The following PDE11A variants were observed in gnomAD, a reference collection of about 807,000 sequenced individuals.
PDE11A encodes the protein phosphodiesterase 11A.
In PDE11A, 100 loss-of-function variants were observed where a neutral mutation model predicts 100.5. That is an observed-to-expected ratio of 1.00 (90% CI 0.85 to 1.18). The LOEUF (loss-of-function observed/expected upper bound fraction) is 1.18. Ranked by LOEUF, PDE11A falls within the 50% of genes most tolerant of loss-of-function variation. The probability of loss-of-function intolerance (pLI) is 0.00; values close to 1 mark genes in which losing one functional copy is unlikely to be tolerated. For missense variants in PDE11A, 1,141 were observed against 1,152.6 expected (o/e 0.99, Z 0.15); for synonymous variants, 381 against 420.8 (o/e 0.91, Z 1.16).
chr2:178,075,533 CAGAGTGAGACTCTGTCTCA>C (rs1184406591), upstream of PDE11A, among the ~76,000 whole-genome samples: 3 of 108,458 alleles, frequency 2.8e-5, no homozygotes, highest in Admixed American at 1.4e-4. Flanking sequence ...GCCTGGGCAA[CAGAGTGAGACTCTGTCTCA>C]AAAAAAAAAA....
intron 12 of PDE11A, among the ~76,000 whole-genome samples, chr2:177,726,028 T>C (rs2081594790): frequency 6.6e-6 from 1 of 152,150 alleles, no homozygotes; most frequent in Non-Finnish European, 1.5e-5. Flanking sequence ...ATGAAATCTG[T>C]ACACAAAACA....
At chr2:178,101,646 A>C (rs2087559942) in intron 2 of PDE11A, among the ~76,000 whole-genome samples, 1 of 152,132 alleles carries the variant, frequency 6.6e-6, no homozygotes, top group East Asian at 1.9e-4. Context: ...GTTCACCGCA[A>C]TTCATCTTAT....
intron 1 of PDE11A, among the ~76,000 whole-genome samples, chr2:178,106,792 T>C (rs911668064): frequency 5.3e-5 from 8 of 151,852 alleles, no homozygotes; most frequent in African/African-American, 1.9e-4. Context: ...AAACCTTGTC[T>C]CTACTAAAAA....
intron 19 of PDE11A, among the ~76,000 whole-genome samples, chr2:177,656,248 T>C (rs1405023349): frequency 6.6e-6 from 1 of 152,248 alleles, no homozygotes; most frequent in East Asian, 1.9e-4. Context: ...ATTTCTACTG[T>C]ACCTTTTCTA....
chr2:177,816,999 AG>A, intron 8 of PDE11A, 78 bp from the exon 9 acceptor site: 1 of 815,656 alleles, frequency 1.2e-6, no homozygotes, highest in Non-Finnish European at 2.2e-6. Context: ...GGCAGCCACC[AG>A]GGATGGGTCT....
intron 15 of PDE11A, among the ~76,000 whole-genome samples, chr2:177,691,794 A>G (rs2081044209): frequency 6.6e-6 from 1 of 152,084 alleles, no homozygotes; most frequent in South Asian, 2.1e-4. Flanking sequence ...CTTGGGGGCC[A>G]CTGTTGAAAG....
Position 177,951,022 on chromosome 2 carries a change from AT to A in PDE11A, c.1072-45836del, listed in dbSNP as rs2085499406. Among the ~76,000 whole-genome samples the A allele has an allele frequency of 3.3e-5, 5 of 152,370 alleles. No homozygotes were observed. The South Asian group carries it at 1.0e-3, about 32-fold the overall frequency. ...AACTGTGATATAGACAATTAACATT[AT>A]TGATATATGCAAACACAACTAATAT... On this transcript the variant is annotated intron_variant, in intron 2 of 19. Coordinates refer to ENST00000286063, the MANE Select transcript of PDE11A (RefSeq NM_016953.4).
In PDE11A at chr2:177,758,577, G is replaced by C. The variant is rs560396153; in HGVS notation, c.1788+10746C>G. ...TGGCAAGGAAATGAATGCATTGAAG[G>C]AATAGAGTGCAGGCACACAGACAGC... On this transcript the variant is annotated intron_variant, in intron 10 of 19. Transcript: ENST00000286063. 5.3e-5 allele frequency among the ~76,000 whole-genome samples: 8 copies of C among 152,330 alleles called. No homozygotes were observed. In the South Asian group the frequency reaches 8.3e-4, roughly 16 times the overall value.
chr2:178,068,497 T>C (rs1015932844), intron 1 of PDE11A, among the ~76,000 whole-genome samples: 2 of 151,956 alleles, frequency 1.3e-5, no homozygotes, highest in South Asian at 2.1e-4. Flanking sequence ...TATTAAATGA[T>C]TAAATTTGGA....
At chr2:178,066,235 G>A (rs1312140703) in intron 1 of PDE11A, among the ~76,000 whole-genome samples, 1 of 152,126 alleles carries the variant, frequency 6.6e-6, no homozygotes, top group Non-Finnish European at 1.5e-5. Context: ...GCCACATGAA[G>A]GGCTGAAGTA....
intron 4 of PDE11A, among the ~76,000 whole-genome samples, chr2:177,895,541 G>A (rs1466518642): frequency 1.4e-5 from 2 of 147,184 alleles, no homozygotes; most frequent in South Asian, 4.3e-4. Flanking sequence ...GGGACAGGGC[G>A]AGACTCCACC....
At chr2:177,722,111 A>G (rs1189652758) in intron 12 of PDE11A, among the ~76,000 whole-genome samples, 3 of 152,156 alleles carry the variant, frequency 2.0e-5, no homozygotes. Context: ...CAACATCATA[A>G]AAATCTCAAG....
intron 1 of PDE11A, among the ~76,000 whole-genome samples, chr2:178,069,720 T>C (rs1017349863): frequency 2.0e-4 from 31 of 152,332 alleles, no homozygotes; most frequent in African/African-American, 7.5e-4. Flanking sequence ...CCCCTGCCTG[T>C]GATGACACCT....
intron 9 of PDE11A, chr2:177,797,003 G>C (rs1361909053): frequency 6.6e-6 from 1 of 152,224 alleles, no homozygotes; most frequent in African/African-American, 2.4e-5. Flanking sequence ...TTTTCAGTGA[G>C]GTAAAAGAGG....
chr2:177,832,058 G>A (rs2083319014), intron 6 of PDE11A, among the ~76,000 whole-genome samples: 1 of 152,176 alleles, frequency 6.6e-6, no homozygotes, highest in South Asian at 2.1e-4. Flanking sequence ...TCAGGTGATG[G>A]TCAGGTGGTT....
intron 19 of PDE11A, among the ~76,000 whole-genome samples, chr2:177,652,428 A>G (rs1260955191): frequency 6.6e-6 from 1 of 152,146 alleles, no homozygotes; most frequent in African/African-American, 2.4e-5. Flanking sequence ...CATTTAGCTT[A>G]TGGCAAGAGC....
chr2:178,055,751 G>A (rs1307095698), intron 1 of PDE11A, among the ~76,000 whole-genome samples: 2 of 152,080 alleles, frequency 1.3e-5, no homozygotes, highest in African/African-American at 4.8e-5. Flanking sequence ...GAGATAGAAA[G>A]AAAAGTCATC....
intron 2 of PDE11A, among the ~76,000 whole-genome samples, chr2:177,943,613 T>A (rs1307093202): frequency 6.6e-6 from 1 of 152,236 alleles, no homozygotes; most frequent in African/African-American, 2.4e-5. Flanking sequence ...AAATTCTTTA[T>A]ATAGTCTGGA....
At chr2:177,658,677 A>T (rs1220060947) in intron 19 of PDE11A, among the ~76,000 whole-genome samples, 1 of 151,430 alleles carries the variant, frequency 6.6e-6, no homozygotes, top group Non-Finnish European at 1.5e-5. Context: ...ACTAAAAGTC[A>T]TAGAGAAACA....
Sources: gnomAD v4.1 joint callset for allele counts (sites outside exome capture counted in the v4.1 genomes callset) on GRCh38, gnomAD v4.1.1 for gene constraint, MANE v1.5 for transcripts, NCBI Gene and HGNC (gene_info 2026-07-23, HGNC 2026-07-21) for gene names.